KCNN2: variants seen among roughly 807,000 people sequenced by gnomAD.
The protein encoded by KCNN2 is potassium calcium-activated channel subfamily N member 2.
In KCNN2, 24 loss-of-function variants were observed where a neutral mutation model predicts 55.5. The ratio of observed to expected loss-of-function variants is 0.43; its 90% CI spans 0.31 to 0.61. KCNN2 has a LOEUF of 0.61. KCNN2 is among the 20% of genes least tolerant of loss of function. The pLI, the probability that KCNN2 is intolerant of heterozygous loss-of-function variation, is 0.08. For synonymous variants in KCNN2, 431 were observed against 336.1 expected (o/e 1.28, Z -3.09); for missense variants, 754 against 853.6 (o/e 0.88, Z 1.45).
At chr5:114,243,981 G>A (rs1754697537) in intron 2 of KCNN2, among the ~76,000 whole-genome samples, 1 of 152,160 alleles carries the variant, frequency 6.6e-6, no homozygotes, top group African/African-American at 2.4e-5. Flanking sequence ...TTCACTGAGG[G>A]TAACTGTAAG....
intron 1 of KCNN2, among the ~76,000 whole-genome samples, chr5:114,156,953 T>G (rs1197844589): frequency 2.6e-5 from 4 of 152,056 alleles, no homozygotes; most frequent in Non-Finnish European, 5.9e-5. Flanking sequence ...AGTTATGTAG[T>G]ATACCTCTAA....
chr5:114,492,702 A>G (rs1021449200), intron 6 of KCNN2, among the ~76,000 whole-genome samples: 4 of 152,148 alleles, frequency 2.6e-5, no homozygotes, highest in African/African-American at 9.6e-5. Flanking sequence ...TAGAGATTCC[A>G]TCTGCCAGAT....
chr5:114,106,114 G>A (rs1016227368), intron 1 of KCNN2, among the ~76,000 whole-genome samples: 4 of 151,526 alleles, frequency 2.6e-5, no homozygotes, highest in African/African-American at 7.3e-5. Context: ...GCATTTTGAA[G>A]TGAACATTTA....
intron 1 of KCNN2, among the ~76,000 whole-genome samples, chr5:114,144,807 T>C (rs1299298142): frequency 2.4e-5 from 3 of 125,422 alleles, no homozygotes; most frequent in Non-Finnish European, 3.2e-5. Flanking sequence ...ACTCTGTGAA[T>C]GTGGGGTGGG....
intron 1 of KCNN2, among the ~76,000 whole-genome samples, chr5:114,215,874 T>C (rs780018317): frequency 2.0e-5 from 3 of 152,172 alleles, no homozygotes; most frequent in Admixed American, 1.3e-4. Flanking sequence ...CAGTTTTTAG[T>C]ACCTAGAATA....
chr5:114,495,706 T>C (rs1748080437), intron 7 of KCNN2, among the ~76,000 whole-genome samples, 189 bp from the exon 8 acceptor site: 1 of 152,214 alleles, frequency 6.6e-6, no homozygotes, highest in South Asian at 2.1e-4. Flanking sequence ...AAAGATCTTA[T>C]ATTTCGATTA....
chr5:114,448,305 G>A lies in KCNN2; in HGVS notation c.1638-14744G>A, dbSNP rs142581993. 3.1e-3 allele frequency among the ~76,000 whole-genome samples: 465 copies of A among 152,238 alleles called. 2 individuals are homozygous for A. Among genetic ancestry groups the A allele is most frequent in the Non-Finnish European group, 5.3e-3 (362 of 68,014 alleles). On this transcript the variant is annotated intron_variant, in intron 3 of 7. Coordinates refer to ENST00000673685, the MANE Select transcript of KCNN2 (RefSeq NM_021614.4). The stretch of plus-strand genomic sequence containing the variant: ...GTCAGTTCCAGATCTCTACAAGGGT[G>A]TTCTGAAGCCTTTATGGAGTAGGGG...
At chr5:114,472,430 A>G (rs1198403956) in intron 4 of KCNN2, among the ~76,000 whole-genome samples, 1 of 152,190 alleles carries the variant, frequency 6.6e-6, no homozygotes, top group Non-Finnish European at 1.5e-5. Context: ...GTGTCATGTT[A>G]GTAAACCTGT....
intron 1 of KCNN2, among the ~76,000 whole-genome samples, chr5:114,159,572 G>A (rs1310487519): frequency 6.6e-6 from 1 of 152,186 alleles, no homozygotes; most frequent in African/African-American, 2.4e-5. Context: ...AGTTTCTGAA[G>A]GAATGGTACC....
intron 1 of KCNN2, among the ~76,000 whole-genome samples, chr5:114,138,930 G>A (rs902102925): frequency 6.6e-6 from 1 of 152,114 alleles, no homozygotes; most frequent in Non-Finnish European, 1.5e-5. Flanking sequence ...CTGGTCACAC[G>A]TTATGGCAAT....
chr5:114,298,975 A>C (rs1756094000), intron 2 of KCNN2, among the ~76,000 whole-genome samples: 2 of 152,216 alleles, frequency 1.3e-5, no homozygotes, highest in South Asian at 4.1e-4. Context: ...ACACCTGATT[A>C]AACCTGAATA....
chr5:114,156,497 A>G (rs1752638429), intron 1 of KCNN2, among the ~76,000 whole-genome samples: 1 of 152,106 alleles, frequency 6.6e-6, no homozygotes, highest in Non-Finnish European at 1.5e-5. Context: ...AATGATATTT[A>G]TTCTTCCTAT....
At chr5:114,063,400 A>T (rs576055333) in intron 1 of KCNN2, among the ~76,000 whole-genome samples, 52 of 152,352 alleles carry the variant, frequency 3.4e-4, no homozygotes, top group African/African-American at 1.3e-3. Flanking sequence ...AGATGAAAGC[A>T]TGGCAGCCCA....
At chr5:114,087,791 T>C (rs988043223) in intron 1 of KCNN2, among the ~76,000 whole-genome samples, 4 of 152,132 alleles carry the variant, frequency 2.6e-5, no homozygotes, top group Non-Finnish European at 2.9e-5. Context: ...TTTTTTAGTG[T>C]TTGTTATAGA....
chr5:114,479,226 T>TAAA (rs55994944), intron 5 of KCNN2, among the ~76,000 whole-genome samples: 26 of 138,996 alleles, frequency 1.9e-4, no homozygotes, highest in Admixed American at 2.9e-4. Context: ...ATGAAAACTA[T>TAAA]AAAAAAAAAA....
intron 2 of KCNN2, among the ~76,000 whole-genome samples, chr5:114,307,052 T>A (rs60396138): frequency 0.046 from 6,981 of 152,220 alleles, 561 homozygotes; most frequent in African/African-American, 0.16. Flanking sequence ...CTAGTATCAG[T>A]GTTAGACCCT....
chr5:114,068,885 C>G (rs1750506650), intron 1 of KCNN2, among the ~76,000 whole-genome samples: 1 of 152,030 alleles, frequency 6.6e-6, no homozygotes, highest in African/African-American at 2.4e-5. Flanking sequence ...GGGATCTCAG[C>G]TCACTGGAAC....
intron 6 of KCNN2, among the ~76,000 whole-genome samples, chr5:114,492,667 CAGT>C (rs1315973452): frequency 1.3e-5 from 2 of 151,976 alleles, no homozygotes; most frequent in Non-Finnish European, 2.9e-5. Flanking sequence ...TGATATTTAA[CAGT>C]AGCTAAACAT....
chr5:114,273,767 G>C (rs1348756463), intron 2 of KCNN2, among the ~76,000 whole-genome samples: 1 of 152,148 alleles, frequency 6.6e-6, no homozygotes, highest in Non-Finnish European at 1.5e-5. Flanking sequence ...CAGATGGATA[G>C]ATTGCAAAAA....
Sources: allele counts gnomAD v4.1 joint callset (sites outside exome capture counted in the v4.1 genomes callset), GRCh38; gene constraint gnomAD v4.1.1; transcripts MANE v1.5; gene names NCBI Gene and HGNC (gene_info 2026-07-23, HGNC 2026-07-21).